Variants in LINGO2 observed in about 807,000 individuals in gnomAD.
The protein encoded by LINGO2 is leucine-rich repeat and immunoglobulin-like domain-containing nogo receptor-interacting protein 2.
Under a neutral mutation model 30.6 loss-of-function variants are expected in LINGO2, and 14 were observed. The observed-to-expected ratio is 0.46, with a 90% confidence interval of 0.30 to 0.72. LINGO2 has a LOEUF of 0.72. Ranked by LOEUF, LINGO2 falls within the 30% of genes least tolerant of loss-of-function variation. The pLI is 0.07. For synonymous variants in LINGO2, 317 were observed against 288.5 expected, an observed-to-expected ratio of 1.10 and a Z score of -1.00; for missense variants, 729 against 751.7, an observed-to-expected ratio of 0.97 and a Z score of 0.35.
chr9:28,513,752 C>T lies in LINGO2; in HGVS notation c.-364-37727G>A, dbSNP rs1036530097. ...TTCTTAACATTTCAAATATGTGATA[C>T]CCAATAAAGTATTTTGAAGAAGCTT... On this transcript the variant is annotated intron_variant, in intron 1 of 5. Transcript: ENST00000379992. Among the ~76,000 whole-genome samples the T allele has an allele frequency of 3.9e-5, 6 of 152,126 alleles. No homozygotes were observed. The East Asian group carries it at 1.2e-3, about 29-fold the overall frequency.
At chr9:28,038,044 C>A (rs1824020641) in intron 4 of LINGO2, among the ~76,000 whole-genome samples, 1 of 152,214 alleles carries the variant, frequency 6.6e-6, no homozygotes. Flanking sequence ...AGTTTCAGAG[C>A]TGAGCTCTCA....
intron 3 of LINGO2, among the ~76,000 whole-genome samples, chr9:28,313,332 T>A (rs1362548554): frequency 3.9e-5 from 6 of 152,116 alleles, no homozygotes; most frequent in Non-Finnish European, 8.8e-5. Flanking sequence ...AATTCTTAGG[T>A]GCAATTTGGG....
intron 3 of LINGO2, among the ~76,000 whole-genome samples, chr9:28,337,001 A>C (rs1033842420): frequency 1.3e-5 from 2 of 151,142 alleles, no homozygotes; most frequent in Non-Finnish European, 3.0e-5. Context: ...AACTTATTAA[A>C]AATTTTACAC....
At chr9:28,014,635 T>C (rs956847294) in intron 4 of LINGO2, among the ~76,000 whole-genome samples, 18 of 152,202 alleles carry the variant, frequency 1.2e-4, no homozygotes, top group South Asian at 2.1e-4. Context: ...ATGCATAGTG[T>C]GCTATAAACA....
At chr9:28,774,159 T>G in the LINGO2 span, among the ~76,000 whole-genome samples, 1 of 152,090 alleles carries the variant, frequency 6.6e-6, no homozygotes, top group Non-Finnish European at 1.5e-5. Flanking sequence ...GCTTTCTCTT[T>G]TGATTTTAAT....
intron 4 of LINGO2, among the ~76,000 whole-genome samples, chr9:28,124,054 C>T (rs1386130724): frequency 6.6e-6 from 1 of 152,168 alleles, no homozygotes; most frequent in Non-Finnish European, 1.5e-5. Context: ...GAAAACACAA[C>T]TCCCACAACA....
chr9:27,961,409 A>C lies in LINGO2; in HGVS notation c.-35-10703T>G, dbSNP rs370724593. 7.1e-4 allele frequency among the ~76,000 whole-genome samples: 108 copies of C among 152,232 alleles called. No homozygotes were observed. In the South Asian group the frequency reaches 0.021, roughly 29 times the overall value. ...TCCTCCCCTCATCCTTGGTGGAGAG[A>C]GGTACAGACATAGCGAATAGTGTTT... is the stretch of plus-strand genomic sequence containing the variant. On this transcript the variant is annotated intron_variant, in intron 5 of 5. Coordinates refer to ENST00000379992, the Ensembl canonical transcript of LINGO2.
intron 4 of LINGO2, among the ~76,000 whole-genome samples, chr9:28,247,007 A>G (rs1006945634): frequency 8.5e-5 from 13 of 152,206 alleles, no homozygotes; most frequent in African/African-American, 2.9e-4. Context: ...AAAAAGCTCA[A>G]CATCACTGAT....
chr9:28,680,995 A>G, the LINGO2 span, among the ~76,000 whole-genome samples: 1 of 152,032 alleles, frequency 6.6e-6, no homozygotes, highest in Non-Finnish European at 1.5e-5. Flanking sequence ...TACTTTAGGG[A>G]TTATATCTTA....
At chr9:29,135,005 T>A in the LINGO2 span, among the ~76,000 whole-genome samples, 1 of 151,908 alleles carries the variant, frequency 6.6e-6, no homozygotes, top group African/African-American at 2.4e-5. Flanking sequence ...TAGATTCTAA[T>A]TTTTTTTATT....
At chr9:28,081,297 A>C (rs1825766370) in intron 4 of LINGO2, among the ~76,000 whole-genome samples, 1 of 152,144 alleles carries the variant, frequency 6.6e-6, no homozygotes, top group Non-Finnish European at 1.5e-5. Context: ...ACTCAAAAAA[A>C]AAAAAAAAAA....
chr9:29,124,376 CA>C, the LINGO2 span, among the ~76,000 whole-genome samples: 1 of 152,158 alleles, frequency 6.6e-6, no homozygotes, highest in South Asian at 2.1e-4. Flanking sequence ...ACTGAAACAC[CA>C]AAACCAATGG....
At chr9:28,003,344 TAGATAGATAGATAG>T (rs1822065542) in intron 5 of LINGO2, among the ~76,000 whole-genome samples, 1 of 103,510 alleles carries the variant, frequency 9.7e-6, no homozygotes, top group East Asian at 3.6e-4. Context: ...TATAGATATA[TAGATAGATAGATAG>T]ATAGATAGAT....
At chr9:29,184,278 G>C in the LINGO2 span, among the ~76,000 whole-genome samples, 3 of 150,396 alleles carry the variant, frequency 2.0e-5, no homozygotes, top group Non-Finnish European at 4.4e-5. Flanking sequence ...TCATCATAAA[G>C]AAAGAAGAAA....
the LINGO2 span, among the ~76,000 whole-genome samples, chr9:29,012,461 G>C: frequency 2.6e-5 from 4 of 152,100 alleles, no homozygotes; most frequent in African/African-American, 9.7e-5. Flanking sequence ...TTTCAACATA[G>C]ATAGAAGAAC....
At chr9:28,183,053 C>A (rs1198181385) in intron 4 of LINGO2, among the ~76,000 whole-genome samples, 2 of 152,212 alleles carry the variant, frequency 1.3e-5, no homozygotes, top group African/African-American at 2.4e-5. Flanking sequence ...ACATGGAAGC[C>A]ACCCAAATGT....
At chr9:28,793,316 T>G in the LINGO2 span, among the ~76,000 whole-genome samples, 1 of 152,332 alleles carries the variant, frequency 6.6e-6, no homozygotes, top group Admixed American at 6.5e-5. Flanking sequence ...TGATTAAAGA[T>G]CTAATAGACC....
chr9:28,987,808 C>A, the LINGO2 span, among the ~76,000 whole-genome samples: 1 of 152,094 alleles, frequency 6.6e-6, no homozygotes, highest in Admixed American at 6.6e-5. Context: ...CATTCAGGCA[C>A]ATATTGTTTA....
chr9:28,572,850 A>T (rs2135599152), intron 1 of LINGO2, among the ~76,000 whole-genome samples: 1 of 152,270 alleles, frequency 6.6e-6, no homozygotes, highest in Middle Eastern at 3.4e-3. Context: ...GAACACTAGA[A>T]ATTCACTGTA....
Sources: gnomAD v4.1 joint callset for allele counts (sites outside exome capture counted in the v4.1 genomes callset) on GRCh38, gnomAD v4.1.1 for gene constraint, MANE v1.5 for transcripts, NCBI Gene and HGNC (gene_info 2026-07-23, HGNC 2026-07-21) for gene names.